The following MYO9A variants were observed in gnomAD, a reference collection of about 807,000 sequenced individuals.
MYO9A encodes the protein unconventional myosin-IXa.
MYO9A carries 103 observed loss-of-function variants against 293.3 expected under a neutral mutation model. The ratio of observed to expected loss-of-function variants is 0.35; its 90% CI spans 0.30 to 0.41. The LOEUF (loss-of-function observed/expected upper bound fraction) is 0.41, where lower values mean the gene tolerates loss of function less well. Ranked by LOEUF, MYO9A falls within the 10% of genes least tolerant of loss-of-function variation. MYO9A has a pLI of 1.00. For synonymous variants in MYO9A, 1,001 were observed against 1,035.7 expected, an observed-to-expected ratio of 0.97 and a Z score of 0.64; for missense variants, 2,685 against 3,033.0, an observed-to-expected ratio of 0.89 and a Z score of 2.69.
intron 39 of MYO9A, 85 bp downstream of exon 39, chr15:71,848,760 A>G (rs2055501119): frequency 3.6e-6 from 5 of 1,404,040 alleles, no homozygotes; most frequent in South Asian, 3.5e-5. Flanking sequence ...AGATTCTGAT[A>G]ATAATCCTTG....
intron 4 of MYO9A, among the ~76,000 whole-genome samples, chr15:72,023,827 C>A (rs1481541681): frequency 6.6e-6 from 1 of 150,618 alleles, no homozygotes; most frequent in Non-Finnish European, 1.5e-5. Context: ...TGATGGAAAA[C>A]ATTAATCTGC....
intron 11 of MYO9A, among the ~76,000 whole-genome samples, chr15:71,988,485 G>A (rs1183746866): frequency 6.6e-6 from 1 of 152,184 alleles, no homozygotes; most frequent in Admixed American, 6.5e-5. Context: ...CTCTAGGGTA[G>A]CATCTAGCTA....
intron 1 of MYO9A, among the ~76,000 whole-genome samples, chr15:72,054,391 G>T (rs917104156): frequency 6.6e-6 from 1 of 152,096 alleles, no homozygotes; most frequent in Admixed American, 6.6e-5. Context: ...GCAGGAGTAG[G>T]GCCAGGCGCA....
chr15:71,898,808 T>C lies in MYO9A; in HGVS notation c.3695A>G (p.Asn1232Ser). ...GCTTTGGGCTCTCTCCTGCTGCTTG[T>C]TTGGTGACTCCTTCAAGCAGTCCAC... ...SSVDCLKESP[N>S]KQQERAQSQS... The change falls in exon 25 of 42, where the codon AAC (asparagine) becomes AGC (serine). Residue 1232 changes from asparagine to serine, a missense_variant. Coordinates refer to ENST00000356056, the MANE Select transcript of MYO9A (RefSeq NM_006901.4). 6.2e-7 allele frequency: 1 copy of C among 1,614,158 alleles called. No individual in the cohort carries two copies. The highest frequency in any genetic ancestry group is 8.5e-7 in the Non-Finnish European group (1 of 1,180,032).
intron 15 of MYO9A, among the ~76,000 whole-genome samples, chr15:71,944,074 TAGTC>T (rs1313313026): frequency 6.6e-6 from 1 of 152,108 alleles, no homozygotes; most frequent in South Asian, 2.1e-4. Context: ...TTAGTGACCT[TAGTC>T]AGATTACAAT....
At chr15:71,929,861 T>C (rs895545506) in intron 18 of MYO9A, among the ~76,000 whole-genome samples, 4 of 152,252 alleles carry the variant, frequency 2.6e-5, no homozygotes, top group Non-Finnish European at 4.4e-5. Context: ...TAGTTCTTTG[T>C]GAAATCTCCA....
intron 31 of MYO9A, among the ~76,000 whole-genome samples, chr15:71,877,263 C>G (rs2056722481): frequency 6.6e-6 from 1 of 152,028 alleles, no homozygotes; most frequent in South Asian, 2.1e-4. Flanking sequence ...ATACACAACA[C>G]CGAGTACGAT....
intron 32 of MYO9A, among the ~76,000 whole-genome samples, chr15:71,873,847 C>G (rs1022467342): frequency 1.3e-5 from 2 of 152,102 alleles, no homozygotes; most frequent in African/African-American, 4.8e-5. Flanking sequence ...TCTTTTAAGG[C>G]TTAAAGTATA....
chr15:71,997,017 C>T (rs1272218613), intron 9 of MYO9A, among the ~76,000 whole-genome samples: 1 of 152,076 alleles, frequency 6.6e-6, no homozygotes, highest in Non-Finnish European at 1.5e-5. Flanking sequence ...TCACCCCAGA[C>T]TTATGACCCA....
intron 1 of MYO9A, among the ~76,000 whole-genome samples, chr15:72,102,791 T>C (rs1320956377): frequency 1.3e-5 from 2 of 151,704 alleles, no homozygotes. Flanking sequence ...AAGACAAAGA[T>C]GGCCCTATAA....
At chr15:71,879,037 G>A (rs1596091072) in intron 30 of MYO9A, among the ~76,000 whole-genome samples, 1 of 152,128 alleles carries the variant, frequency 6.6e-6, no homozygotes, top group Admixed American at 6.6e-5. Context: ...TTACAGGCTT[G>A]AGCCACTGCG....
intron 26 of MYO9A, among the ~76,000 whole-genome samples, chr15:71,889,102 A>G (rs960920203): frequency 2.6e-5 from 4 of 152,206 alleles, no homozygotes; most frequent in Non-Finnish European, 5.9e-5. Context: ...GTCCAAGGTG[A>G]GCACAGTGAC....
At chr15:71,912,743 C>T (rs181292031) in intron 19 of MYO9A, among the ~76,000 whole-genome samples, 1 of 152,160 alleles carries the variant, frequency 6.6e-6, no homozygotes, top group African/African-American at 2.4e-5. Flanking sequence ...CTCTACTTAA[C>T]CTTAGTTTTT....
rs58780691 is a variant in MYO9A, at chr15:71,825,448, C to CTGATTGA, written c.*1131_*1132insTCAATCA. The CTGATTGA allele has an allele frequency of 6.6e-5, 10 of 151,994 alleles. No homozygotes were observed. The East Asian group carries it at 7.8e-4, about 12-fold the overall frequency. The allele number at this position is 151,994 out of a possible 1,614,324, so 9.4% of individuals were successfully genotyped here. A position where few individuals can be genotyped will look rare whatever the true frequency, so the allele number is the denominator to read the frequency against. ...TTGATTTTTTTCCATCTATTTAATA[C>CTGATTGA]TGATAGTCTGAGAAAAGGAAGATAA... On this transcript the variant is annotated 3_prime_UTR_variant, in exon 42 of 42. Transcript: ENST00000356056.
chr15:72,022,984 C>A (rs969725676), intron 4 of MYO9A, among the ~76,000 whole-genome samples: 1 of 152,146 alleles, frequency 6.6e-6, no homozygotes, highest in Non-Finnish European at 1.5e-5. Flanking sequence ...ATTAGACTTA[C>A]AAGATTTTAA....
At position 71,899,671 on chromosome 15, in the gene MYO9A, T is replaced by C; in HGVS notation, c.3470+16A>G. ...GGAAGAAGAAAAAAAGCAATTATTA[T>C]AGTAATAGAGATTACCTTTGTCTTG... On this transcript the variant is annotated intron_variant, in intron 24 of 41. Coordinates refer to ENST00000356056, the MANE Select transcript of MYO9A (RefSeq NM_006901.4). 1.9e-6 allele frequency: 3 copies of C among 1,586,648 alleles called. No individual in the cohort carries two copies. Among genetic ancestry groups the C allele is most frequent in the African/African-American group, 1.4e-5 (1 of 73,732 alleles).
chr15:72,037,358 G>A (rs1015946759), intron 2 of MYO9A, among the ~76,000 whole-genome samples: 9 of 151,814 alleles, frequency 5.9e-5, no homozygotes, highest in African/African-American at 2.2e-4. Flanking sequence ...AAATATTCAT[G>A]GGCATATGGA....
intron 4 of MYO9A, among the ~76,000 whole-genome samples, chr15:72,023,828 A>G (rs1262756643): frequency 3.3e-5 from 5 of 152,222 alleles, no homozygotes; most frequent in African/African-American, 1.2e-4. Context: ...GATGGAAAAC[A>G]TTAATCTGCA....
rs1006542153 is a variant in MYO9A, at chr15:72,102,530, A to T, written c.-72+15150T>A. Among the ~76,000 whole-genome samples, 31 of 151,896 alleles carry T rather than the reference A, an allele frequency of 2.0e-4. No individual in the cohort carries two copies. In the Middle Eastern group the frequency reaches 0.01, roughly 50 times the overall value. On this transcript the variant is annotated intron_variant, in intron 1 of 41. Coordinates refer to ENST00000356056, the MANE Select transcript of MYO9A (RefSeq NM_006901.4). ...AAAAAAAAAAAAGAAATAACAGATTAGGTGGTTCCATGGTGTAATGGTGAG... is the reference window on the plus strand; with the variant it reads ...AAAAAAAAAAAAGAAATAACAGATTTGGTGGTTCCATGGTGTAATGGTGAG...
Sources: allele counts gnomAD v4.1 joint callset (sites outside exome capture counted in the v4.1 genomes callset), GRCh38; gene constraint gnomAD v4.1.1; transcripts MANE v1.5; gene names NCBI Gene and HGNC (gene_info 2026-07-23, HGNC 2026-07-21).